The following TMEM259 variants were observed in gnomAD, a reference collection of about 807,000 sequenced individuals.
TMEM259 encodes transmembrane protein 259.
Under a neutral mutation model 46.7 loss-of-function variants are expected in TMEM259, and 26 were observed. That is an observed-to-expected ratio of 0.56 (90% CI 0.41 to 0.77). TMEM259 has a LOEUF of 0.77. Ranked by LOEUF, TMEM259 falls within the 30% of genes least tolerant of loss-of-function variation. The pLI, the probability that TMEM259 is intolerant of heterozygous loss-of-function variation, is 0.00. For synonymous variants in TMEM259, 494 were observed against 395.1 expected (o/e 1.25, Z -2.97); for missense variants, 930 against 900.5 (o/e 1.03, Z -0.42).
chr19:1,020,782 A>G lies in TMEM259; in HGVS notation c.215T>C (p.Val72Ala), dbSNP rs1038942319. The change falls in exon 1 of 11, where the codon GTG becomes GCG. Residue 72 changes from valine to alanine, a missense_variant. Physicochemically the swap from Val to Ala is moderately conservative, Grantham distance 64. Transcript: ENST00000356663. This position sits in a 1 kb window ranked among gnomAD's most constrained non-coding sequence, Gnocchi z 4.0. The stretch of plus-strand genomic sequence containing the variant: ...CGGGGCCGCGGTCACCTTGAGCAGC[A>G]CGAAGAACTCGAAGAGACGGCGGAA... ...PAFRRLFEFFVLLKALFVLFV... is the reference protein window; with the variant it reads ...PAFRRLFEFFALLKALFVLFV... 9.7e-6 allele frequency: 13 copies of G among 1,345,154 alleles called. No individual in the cohort carries two copies. The highest frequency in any genetic ancestry group is 1.2e-5 in the Non-Finnish European group (13 of 1,043,848). 83.3% of individuals were successfully genotyped at this position (1,345,154 alleles called of 1,614,324 possible). A position where few individuals can be genotyped will look rare whatever the true frequency, so the allele number is the denominator to read the frequency against.
chr19:1,020,761 G>A lies in TMEM259; in HGVS notation c.225+11C>T. The A allele has an allele frequency of 7.6e-7, 1 of 1,316,196 alleles. No homozygotes were observed. The allele number at this position is 1,316,196 out of a possible 1,614,324, so 81.5% of individuals were successfully genotyped here. A position where few individuals can be genotyped will look rare whatever the true frequency, so the allele number is the denominator to read the frequency against. ...CTGGGGTCAAGGGTCGGGGGTCGGG[G>A]CCGCGGTCACCTTGAGCAGCACGAA... On this transcript the variant is annotated intron_variant, in intron 1 of 10. Transcript: ENST00000356663. This position sits in a 1 kb window ranked among gnomAD's most constrained non-coding sequence, Gnocchi z 4.0.
chr19:1,011,556 G>C (rs756751086), intron 8 of TMEM259, 24 bp downstream of exon 8: 2 of 1,541,228 alleles, frequency 1.3e-6, no homozygotes, highest in South Asian at 2.4e-5. Flanking sequence ...GCGCGGGGCG[G>C]GGGAGGCCGG....
At chr19:1,015,298 G>A (rs1242610190) in intron 1 of TMEM259, among the ~76,000 whole-genome samples, 4 of 152,210 alleles carry the variant, frequency 2.6e-5, no homozygotes, top group Non-Finnish European at 4.4e-5. Context: ...TGGGACATCT[G>A]TGGTTGTCAC....
At chr19:1,016,206 G>A (rs574089057) in intron 1 of TMEM259, among the ~76,000 whole-genome samples, 93 of 152,316 alleles carry the variant, frequency 6.1e-4, no homozygotes, top group African/African-American at 2.1e-3. Context: ...AGGGGTGGGC[G>A]GGGGGAGGGG....
Position 1,010,403 on chromosome 19 carries a change from GC to G in TMEM259, c.1809del (p.Pro604LeufsTer22). 6.6e-7 allele frequency: 1 copy of G among 1,518,652 alleles called. No individual in the cohort carries two copies. The highest frequency in any genetic ancestry group is 8.8e-7 in the Non-Finnish European group (1 of 1,138,414). The allele number at this position is 1,518,652 out of a possible 1,614,324, so 94.1% of individuals were successfully genotyped here. A position where few individuals can be genotyped will look rare whatever the true frequency, so the allele number is the denominator to read the frequency against. On this transcript the variant is annotated frameshift_variant, in exon 11 of 11. Coordinates refer to ENST00000356663, the MANE Select transcript of TMEM259 (RefSeq NM_001033026.2). LOFTEE classifies it low-confidence loss of function (END_TRUNC). ...DTTPLGAAVG[G>X]PSPASMAPTE... ...GTTGGGGCCATGGAGGCCGGGCTAGGCCCGCCTACCGCAGCCCCCAGGGGAG... is the reference window on the plus strand; with the variant it reads ...GTTGGGGCCATGGAGGCCGGGCTAGGCCGCCTACCGCAGCCCCCAGGGGAG...
chr19:1,009,707 T>TA lies in TMEM259; in HGVS notation c.*642dup. On this transcript the variant is annotated 3_prime_UTR_variant, in exon 11 of 11. Coordinates refer to ENST00000356663, the MANE Select transcript of TMEM259 (RefSeq NM_001033026.2). ...CAAACACAATTTTGTACACTGCAAT[T>TA]AAATAGAATGGAATGAGCGCTCCTC... is the stretch of plus-strand genomic sequence containing the variant. The TA allele has an allele frequency of 1.0e-6, 1 of 970,600 alleles. No individual in the cohort carries two copies. 60.1% of individuals were successfully genotyped at this position (970,600 alleles called of 1,614,324 possible). A position where few individuals can be genotyped will look rare whatever the true frequency, so the allele number is the denominator to read the frequency against.
chr19:1,012,440 CA>C, intron 4 of TMEM259, 22 bp downstream of exon 4: 1 of 1,568,886 alleles, frequency 6.4e-7, no homozygotes. Context: ...TGGAGCTCCC[CA>C]AGCCCAGCAG....
chr19:1,020,834 T>C lies in TMEM259; in HGVS notation c.163A>G (p.Thr55Ala). The change falls in exon 1 of 11, where the codon ACC (threonine) becomes GCC (alanine). Residue 55 changes from threonine (T) to alanine (A), a missense_variant. Physicochemically the swap from Thr to Ala is moderately conservative, Grantham distance 58. Transcript: ENST00000356663. This position sits in a 1 kb window ranked among gnomAD's most constrained non-coding sequence, Gnocchi z 4.0. Reference sequence around the variant, plus strand: ...GCGGGCGGGAAGAGCCGCGAATAGGTGACAGCCATCTTGAAGAACAGCGCG... The same window carrying C: ...GCGGGCGGGAAGAGCCGCGAATAGGCGACAGCCATCTTGAAGAACAGCGCG... The part of the protein sequence containing the change: ...FHALFFKMAV[T>A]YSRLFPPAFR... The C allele has an allele frequency of 7.3e-7, 1 of 1,371,872 alleles. No individual in the cohort carries two copies. The highest frequency in any genetic ancestry group is 9.5e-7 in the Non-Finnish European group (1 of 1,057,284). 85.0% of individuals were successfully genotyped at this position (1,371,872 alleles called of 1,614,324 possible).
Position 1,009,827 on chromosome 19 carries a change from G to T in TMEM259, c.*523C>A, listed in dbSNP as rs1294847586. On this transcript the variant is annotated 3_prime_UTR_variant, in exon 11 of 11. Coordinates refer to ENST00000356663, the MANE Select transcript of TMEM259 (RefSeq NM_001033026.2). Reference sequence around the variant, plus strand: ...CCTGGCTGCTGCCACTGATGTTGGCGCCTGCACCCCACGTCCCTATGCCCG... The same window carrying T: ...CCTGGCTGCTGCCACTGATGTTGGCTCCTGCACCCCACGTCCCTATGCCCG... 1.8e-5 allele frequency: 8 copies of T among 454,532 alleles called. No individual in the cohort carries two copies. The highest frequency in any genetic ancestry group is 2.3e-5 in the Non-Finnish European group (6 of 262,798). 28.2% of individuals were successfully genotyped at this position (454,532 alleles called of 1,614,324 possible). A position where few individuals can be genotyped will look rare whatever the true frequency, so the allele number is the denominator to read the frequency against.
intron 1 of TMEM259, among the ~76,000 whole-genome samples, chr19:1,018,616 G>A (rs957882024): frequency 6.6e-6 from 1 of 152,226 alleles, no homozygotes; most frequent in African/African-American, 2.4e-5. Context: ...GCACTTTGCA[G>A]ATAAGTAAAA....
chr19:1,016,816 C>T (rs2145602632), intron 1 of TMEM259, among the ~76,000 whole-genome samples: 1 of 152,318 alleles, frequency 6.6e-6, no homozygotes, highest in African/African-American at 2.4e-5. Flanking sequence ...ACAGGACACA[C>T]ATCCTGCCAC....
chr19:1,011,280 A>C (rs1019860381), intron 9 of TMEM259, 85 bp from the exon 10 acceptor site: 1 of 1,531,254 alleles, frequency 6.5e-7, no homozygotes, highest in Non-Finnish European at 8.8e-7. Context: ...CGCAGCCACC[A>C]CCCCCGCCTC....
intron 1 of TMEM259, among the ~76,000 whole-genome samples, chr19:1,019,972 C>A (rs942753305): frequency 1.3e-5 from 2 of 152,142 alleles, no homozygotes; most frequent in African/African-American, 4.8e-5. Context: ...ACGGCTGAGA[C>A]CTCTGCCATC....
At chr19:1,016,582 G>A (rs2039117817) in intron 1 of TMEM259, among the ~76,000 whole-genome samples, 1 of 152,248 alleles carries the variant, frequency 6.6e-6, no homozygotes, top group South Asian at 2.1e-4. Flanking sequence ...CGAGGTCGGG[G>A]CTGTCCAACG....
At chr19:1,012,262 T>C in intron 4 of TMEM259, 74 bp from the exon 5 acceptor site, 1 of 1,540,730 alleles carries the variant, frequency 6.5e-7, no homozygotes, top group Non-Finnish European at 8.8e-7. Context: ...GCTGGCTCCA[T>C]TGCTGAGGCC....
In TMEM259 at chr19:1,013,262, AG is replaced by A. The variant is rs2038999505; in HGVS notation, c.585del (p.Phe196SerfsTer20). On this transcript the variant is annotated frameshift_variant, in exon 3 of 11. Transcript: ENST00000356663. LOFTEE classifies it high-confidence loss of function. ...CTACCTTTGGTGGGCGTCTCGGGGA[AG>A]GGGAACTCCTGGCTGTCATTCAGGG... ...TEALNDSQEFPFPETPTKVWP... is the reference protein window; with the variant it reads ...TEALNDSQEFXFPETPTKVWP... 6.2e-7 allele frequency: 1 copy of A among 1,613,506 alleles called. No individual in the cohort carries two copies. The highest frequency in any genetic ancestry group is 8.5e-7 in the Non-Finnish European group (1 of 1,179,692).
intron 4 of TMEM259, 56 bp downstream of exon 4, chr19:1,012,407 A>G (rs1412861506): frequency 2.0e-6 from 3 of 1,535,048 alleles, no homozygotes; most frequent in Non-Finnish European, 8.8e-7. Context: ...AGGAGACCCG[A>G]GGGAGGAGGG....
At chr19:1,013,619 A>C in intron 2 of TMEM259, 1 of 398,916 alleles carries the variant, frequency 2.5e-6, no homozygotes, top group Non-Finnish European at 4.7e-6. Context: ...AGGGTCCATG[A>C]TGCTCTGCCC....
At position 1,009,804 on chromosome 19, in the gene TMEM259, T is replaced by C. The variant is rs952372949; in HGVS notation, c.*546A>G. ...CCCGAGTGGGACTGGACCACGGCCC[T>C]GGCTGCTGCCACTGATGTTGGCGCC... On this transcript the variant is annotated 3_prime_UTR_variant, in exon 11 of 11. Coordinates refer to ENST00000356663, the MANE Select transcript of TMEM259 (RefSeq NM_001033026.2). 6 of 484,624 alleles carry C rather than the reference T, an allele frequency of 1.2e-5. No homozygotes were observed. Among genetic ancestry groups the C allele is most frequent in the Admixed American group, 4.4e-5 (1 of 22,694 alleles). 30.0% of individuals were successfully genotyped at this position (484,624 alleles called of 1,614,324 possible).
Sources: allele counts gnomAD v4.1 joint callset (sites outside exome capture counted in the v4.1 genomes callset), GRCh38; gene constraint gnomAD v4.1.1; non-coding constraint Gnocchi (gnomAD v3.1); transcripts MANE v1.5; gene names NCBI Gene and HGNC (gene_info 2026-07-23, HGNC 2026-07-21).